Variants in NXPH1 observed in about 807,000 individuals in gnomAD.
The protein encoded by NXPH1 is neurexophilin 1.
In NXPH1, 5 loss-of-function variants were observed where a neutral mutation model predicts 23.7. The observed-to-expected ratio is 0.21, with a 90% CI of 0.11 to 0.44. NXPH1 has a LOEUF of 0.44. Among genes scored for constraint, NXPH1 ranks in the 20% least tolerant of loss-of-function variants. NXPH1 has a pLI of 0.99. For missense variants in NXPH1, 324 were observed against 321.6 expected (o/e 1.01, Z -0.06); for synonymous variants, 144 against 122.2 (o/e 1.18, Z -1.18).
At chr7:8,571,102 CTGGTCCCACTTAGAATTATG>C (rs912849628) in intron 2 of NXPH1, among the ~76,000 whole-genome samples, 4 of 151,602 alleles carry the variant, frequency 2.6e-5, no homozygotes, top group African/African-American at 9.7e-5. Flanking sequence ...ATGGGAATTC[CTGGTCCCACTTAGAATTATG>C]TGGTCCCACC....
intron 2 of NXPH1, among the ~76,000 whole-genome samples, chr7:8,436,892 G>T (rs1418566309): frequency 6.6e-6 from 1 of 152,212 alleles, no homozygotes; most frequent in Non-Finnish European, 1.5e-5. Context: ...AATTGACAGC[G>T]TTTCTCGGCC....
intron 2 of NXPH1, among the ~76,000 whole-genome samples, chr7:8,553,749 C>A (rs1053675932): frequency 6.6e-6 from 1 of 151,616 alleles, no homozygotes; most frequent in Non-Finnish European, 1.5e-5. Context: ...GATGTTCAAA[C>A]ACCCTTGGTT....
intron 2 of NXPH1, among the ~76,000 whole-genome samples, chr7:8,711,981 C>T (rs1779803321): frequency 6.6e-6 from 1 of 152,194 alleles, no homozygotes; most frequent in South Asian, 2.1e-4. Flanking sequence ...ATCTGCCATT[C>T]ACTTGGGTTT....
chr7:8,662,615 A>G (rs10238604), intron 2 of NXPH1, among the ~76,000 whole-genome samples: 106,057 of 151,898 alleles, frequency 0.7, 37,740 homozygotes, highest in East Asian at 1. Context: ...CTGGGTGAGT[A>G]GTAGTTGTTA....
intron 2 of NXPH1, among the ~76,000 whole-genome samples, chr7:8,560,989 C>T (rs1327082846): frequency 6.6e-6 from 1 of 151,572 alleles, no homozygotes; most frequent in African/African-American, 2.4e-5. Context: ...AAACAAGCCC[C>T]TCTGGATTGA....
At position 8,481,411 on chromosome 7, in the gene NXPH1, G is replaced by A. The variant is rs79491798; in HGVS notation, c.54+45644G>A. ...AACACCTCCATGAAAATATTTGTTA[G>A]TGGTTGTGAAAGATCTTTTGATTTG... On this transcript the variant is annotated intron_variant, in intron 2 of 2. Coordinates refer to ENST00000405863, the MANE Select transcript of NXPH1 (RefSeq NM_152745.3). Among the ~76,000 whole-genome samples the A allele has an allele frequency of 6.6e-5, 10 of 152,280 alleles. No homozygotes were observed. In the South Asian group the frequency reaches 2.1e-3, roughly 32 times the overall value.
chr7:8,532,474 G>C (rs375588812), intron 2 of NXPH1, among the ~76,000 whole-genome samples: 5 of 141,712 alleles, frequency 3.5e-5, no homozygotes, highest in Admixed American at 1.4e-4. Context: ...TTTTTGGGGG[G>C]GGGGGAGGGG....
At chr7:8,729,077 T>C (rs1376139491) in intron 2 of NXPH1, among the ~76,000 whole-genome samples, 1 of 152,184 alleles carries the variant, frequency 6.6e-6, no homozygotes, top group East Asian at 1.9e-4. Flanking sequence ...GGAGGGTGTA[T>C]GTCTCGAGGA....
At chr7:8,690,060 A>G (rs1327845141) in intron 2 of NXPH1, among the ~76,000 whole-genome samples, 1 of 152,140 alleles carries the variant, frequency 6.6e-6, no homozygotes, top group African/African-American at 2.4e-5. Context: ...TTCTTATAAT[A>G]GTGTAATGTG....
Position 8,435,541 on chromosome 7 carries a change from C to T in NXPH1, c.-110-63C>T, listed in dbSNP as rs1816177944. 1.7e-6 allele frequency: 1 copy of T among 596,024 alleles called. No homozygotes were observed. Among genetic ancestry groups the T allele is most frequent in the Non-Finnish European group, 3.0e-6 (1 of 329,104 alleles). The allele number at this position is 596,024 out of a possible 1,614,324, so 36.9% of individuals were successfully genotyped here. A position where few individuals can be genotyped will look rare whatever the true frequency, so the allele number is the denominator to read the frequency against. ...TCCCCGCTACGACCCCCTTTCCCCG[C>T]TTGATTGTCAAGCCTAACCTTGCCC... On this transcript the variant is annotated intron_variant, in intron 1 of 2. Transcript: ENST00000405863. The surrounding 1 kb of genome is among the most constrained non-coding windows in gnomAD (Gnocchi z 5.9).
chr7:8,707,983 G>C (rs921054128), intron 2 of NXPH1, among the ~76,000 whole-genome samples: 28 of 151,736 alleles, frequency 1.8e-4, no homozygotes, highest in Non-Finnish European at 2.9e-4. Context: ...AACTTTGCTA[G>C]GATACAAAAC....
intron 2 of NXPH1, among the ~76,000 whole-genome samples, chr7:8,437,705 G>A (rs1008418368): frequency 2.0e-5 from 3 of 152,240 alleles, no homozygotes; most frequent in East Asian, 1.9e-4. Flanking sequence ...TTATTCTAAT[G>A]CGCTGCGTTC....
intron 2 of NXPH1, among the ~76,000 whole-genome samples, chr7:8,667,513 C>G: frequency 6.7e-6 from 1 of 149,858 alleles, no homozygotes; most frequent in East Asian, 2.0e-4. Flanking sequence ...CATCCATTAT[C>G]TATTGGCCTT....
At chr7:8,648,453 A>G (rs1820431310) in intron 2 of NXPH1, among the ~76,000 whole-genome samples, 1 of 152,212 alleles carries the variant, frequency 6.6e-6, no homozygotes, top group Non-Finnish European at 1.5e-5. Context: ...AGTGAACACA[A>G]GGATCTCCAG....
intron 2 of NXPH1, among the ~76,000 whole-genome samples, chr7:8,736,138 C>T (rs1175809491): frequency 2.0e-5 from 3 of 152,144 alleles, no homozygotes; most frequent in African/African-American, 7.2e-5. Flanking sequence ...TTCAGTTCTG[C>T]TCTGATCTTA....
chr7:8,678,172 C>T (rs986682807), intron 2 of NXPH1, among the ~76,000 whole-genome samples: 2 of 152,080 alleles, frequency 1.3e-5, no homozygotes, highest in East Asian at 1.9e-4. Context: ...TGTTTTAGGT[C>T]GCTAGTACAC....
At chr7:8,605,049 T>C (rs1819453320) in intron 2 of NXPH1, among the ~76,000 whole-genome samples, 1 of 152,160 alleles carries the variant, frequency 6.6e-6, no homozygotes, top group African/African-American at 2.4e-5. Flanking sequence ...CCATATTTAC[T>C]TCTATAGCTT....
chr7:8,715,154 C>G (rs2115201102), intron 2 of NXPH1, among the ~76,000 whole-genome samples: 1 of 152,308 alleles, frequency 6.6e-6, no homozygotes, highest in African/African-American at 2.4e-5. Flanking sequence ...CTGGCTATGG[C>G]TGGTCCAAAT....
intron 2 of NXPH1, among the ~76,000 whole-genome samples, chr7:8,737,069 G>A (rs574224030): frequency 6.6e-6 from 1 of 152,102 alleles, no homozygotes; most frequent in East Asian, 1.9e-4. Context: ...AGATCGATGA[G>A]TCTTAACTCT....
Sources: gnomAD v4.1 joint callset for allele counts (sites outside exome capture counted in the v4.1 genomes callset) on GRCh38, gnomAD v4.1.1 for gene constraint, Gnocchi (gnomAD v3.1) non-coding constraint, MANE v1.5 for transcripts, NCBI Gene and HGNC (gene_info 2026-07-23, HGNC 2026-07-21) for gene names.